Variants in CCDC102B observed in about 807,000 individuals in gnomAD.
CCDC102B encodes the protein coiled-coil domain-containing protein 102B.
CCDC102B carries 75 observed loss-of-function variants against 57.4 expected under a neutral mutation model. That is an observed-to-expected ratio of 1.31 (90% CI 1.08 to 1.58). The LOEUF is 1.58. Among genes scored for constraint, CCDC102B ranks in the 40% most tolerant of loss-of-function variants. The pLI, the probability that CCDC102B is intolerant of heterozygous loss-of-function variation, is 0.00. For missense variants in CCDC102B, 636 were observed against 582.6 expected (o/e 1.09, Z -0.94); for synonymous variants, 206 against 201.9 (o/e 1.02, Z -0.17).
Position 68,838,313 on chromosome 18 carries a change from A to G in CCDC102B, c.607-393A>G, listed in dbSNP as rs8099721. On this transcript the variant is annotated intron_variant, in intron 2 of 7. Transcript: ENST00000360242. ...TCCTGAAAATTCTATCTTGTCTTTC[A>G]AAAATGTTAAAAAATGATTGCTTTG... The G allele has an allele frequency of 4.0e-3, 2,970 of 741,816 alleles. 59 individuals are homozygous for G. In the African/African-American group the frequency reaches 0.049, roughly 12 times the overall value. The allele number at this position is 741,816 out of a possible 1,614,324, so 46.0% of individuals were successfully genotyped here. A position where few individuals can be genotyped will look rare whatever the true frequency, so the allele number is the denominator to read the frequency against.
intron 2 of CCDC102B, among the ~76,000 whole-genome samples, chr18:68,740,727 C>A (rs945899595): frequency 1.3e-5 from 2 of 152,208 alleles, no homozygotes; most frequent in African/African-American, 2.4e-5. Flanking sequence ...CTGCCTCAAG[C>A]CTTTTCATCC....
intron 6 of CCDC102B, among the ~76,000 whole-genome samples, chr18:68,923,235 C>T (rs1365138959): frequency 2.0e-5 from 3 of 151,460 alleles, no homozygotes; most frequent in Non-Finnish European, 4.4e-5. Flanking sequence ...TTATGTAACT[C>T]CCAAGAAAAT....
In CCDC102B at chr18:69,011,098, A is replaced by G. The variant is rs771086498; in HGVS notation, c.1428A>G (p.Glu476=). 1 of 1,613,234 alleles carries G rather than the reference A, an allele frequency of 6.2e-7. No individual in the cohort carries two copies. Among genetic ancestry groups the G allele is most frequent in the Non-Finnish European group, 8.5e-7 (1 of 1,179,598 alleles). ...TAAAGCAGGGACTCAATCAAAAAGA[A>G]GATGAGGTACTACTTTATGAGTGAA... The part of the protein sequence containing the change: ...EELKQGLNQK[E]DELDDSLNQI... The change falls in exon 7 of 8, where the codon GAA becomes GAG. Residue 476 remains glutamate, a synonymous_variant. Coordinates refer to ENST00000360242, the MANE Select transcript of CCDC102B (RefSeq NM_024781.3).
In CCDC102B at chr18:68,915,936, A is replaced by C. The variant is rs183334590; in HGVS notation, c.1263+18508A>C. Reference sequence around the variant, plus strand: ...AATGTTGCAATCCCTCTCCTTGTTTAGTTCATGTGGAATTGAAATATGTAA... The same window carrying C: ...AATGTTGCAATCCCTCTCCTTGTTTCGTTCATGTGGAATTGAAATATGTAA... On this transcript the variant is annotated intron_variant, in intron 6 of 7. Coordinates refer to ENST00000360242, the MANE Select transcript of CCDC102B (RefSeq NM_024781.3). Among the ~76,000 whole-genome samples the C allele has an allele frequency of 3.3e-4, 50 of 152,270 alleles. 1 individual carries two copies. In the East Asian group the frequency reaches 8.3e-3, roughly 25 times the overall value.
At chr18:68,811,204 G>A (rs1400039343) in intron 1 of CCDC102B, among the ~76,000 whole-genome samples, 1 of 152,148 alleles carries the variant, frequency 6.6e-6, no homozygotes, top group Non-Finnish European at 1.5e-5. Flanking sequence ...AATCCTTTGG[G>A]TATATACGCA....
At chr18:69,041,678 C>A (rs2052439032) in intron 7 of CCDC102B, among the ~76,000 whole-genome samples, 1 of 151,944 alleles carries the variant, frequency 6.6e-6, no homozygotes, top group Non-Finnish European at 1.5e-5. Flanking sequence ...TCTTTTGTAG[C>A]CTAGCTAGCA....
chr18:68,804,624 G>A (rs2035969545), intron 1 of CCDC102B, among the ~76,000 whole-genome samples: 1 of 152,046 alleles, frequency 6.6e-6, no homozygotes, highest in Admixed American at 6.6e-5. Context: ...AGGGAATGAT[G>A]AAATGGACAA....
intron 6 of CCDC102B, among the ~76,000 whole-genome samples, chr18:68,961,277 C>A: frequency 1.3e-5 from 2 of 151,634 alleles, no homozygotes; most frequent in East Asian, 1.9e-4. Flanking sequence ...TCAGAAGAAC[C>A]TGAAAATATG....
chr18:68,769,708 A>C (rs1342903308), intron 2 of CCDC102B, among the ~76,000 whole-genome samples: 1 of 152,194 alleles, frequency 6.6e-6, no homozygotes, highest in East Asian at 1.9e-4. Flanking sequence ...GTTACCAAAA[A>C]AAAAAGCAAG....
At chr18:69,046,208 C>T (rs1234220411) in intron 7 of CCDC102B, among the ~76,000 whole-genome samples, 4 of 152,272 alleles carry the variant, frequency 2.6e-5, no homozygotes, top group South Asian at 2.1e-4. Flanking sequence ...CTAATTTACA[C>T]TCCCACCCAA....
chr18:68,878,902 C>T (rs149445346), intron 5 of CCDC102B, among the ~76,000 whole-genome samples: 1,610 of 152,206 alleles, frequency 0.011, 35 homozygotes, highest in East Asian at 0.08. Flanking sequence ...CACGGACCCT[C>T]GTGGTGAGTG....
upstream of CCDC102B, among the ~76,000 whole-genome samples, chr18:68,797,145 C>T (rs534904663): frequency 3.1e-4 from 47 of 152,106 alleles, no homozygotes; most frequent in South Asian, 3.9e-3. Context: ...TGGCTTTATA[C>T]AGGAAGATGG....
At chr18:68,916,379 A>G (rs1438826028) in intron 6 of CCDC102B, among the ~76,000 whole-genome samples, 1 of 152,156 alleles carries the variant, frequency 6.6e-6, no homozygotes, top group Non-Finnish European at 1.5e-5. Flanking sequence ...CTCCATGATC[A>G]CTCAACCTTA....
intron 5 of CCDC102B, among the ~76,000 whole-genome samples, chr18:68,896,894 G>A (rs2040261815): frequency 6.6e-6 from 1 of 151,964 alleles, no homozygotes; most frequent in African/African-American, 2.4e-5. Flanking sequence ...CTTCTCCACT[G>A]AGAATGTTTA....
intron 6 of CCDC102B, among the ~76,000 whole-genome samples, chr18:68,967,671 G>T (rs2050200162): frequency 6.6e-6 from 1 of 151,984 alleles, no homozygotes; most frequent in African/African-American, 2.4e-5. Context: ...ATGATTTCTG[G>T]TTATGAAACG....
At chr18:68,807,976 A>G (rs2036092922) in intron 1 of CCDC102B, among the ~76,000 whole-genome samples, 1 of 152,132 alleles carries the variant, frequency 6.6e-6, no homozygotes, top group African/African-American at 2.4e-5. Flanking sequence ...TTTCACTAGG[A>G]TTTGAGCAAC....
chr18:68,872,677 CCTT>C (rs1568302981), intron 4 of CCDC102B, among the ~76,000 whole-genome samples: 1 of 151,806 alleles, frequency 6.6e-6, no homozygotes, highest in African/African-American at 2.4e-5. Flanking sequence ...TGTCCTTTCT[CCTT>C]CTCCATGTGG....
chr18:68,854,809 G>A (rs67059181), intron 4 of CCDC102B, among the ~76,000 whole-genome samples: 44,144 of 151,848 alleles, frequency 0.29, 6,800 homozygotes, highest in Non-Finnish European at 0.34. Flanking sequence ...TAGGACATGG[G>A]AAGGAAAGTT....
rs182043888 is a variant in CCDC102B at position 68,901,617 on chromosome 18, C to A, written c.1263+4189C>A. On this transcript the variant is annotated intron_variant, in intron 6 of 7. Coordinates refer to ENST00000360242, the MANE Select transcript of CCDC102B (RefSeq NM_024781.3). ...AAATAGTTGTCCTCCAAAGAAAAGT[C>A]TTTCCCCTCAACTGGAATTGCAATT... 7.2e-5 allele frequency among the ~76,000 whole-genome samples: 11 copies of A among 152,260 alleles called. No individual in the cohort carries two copies. In the East Asian group the frequency reaches 2.1e-3, roughly 29 times the overall value.
Sources: allele counts gnomAD v4.1 joint callset (sites outside exome capture counted in the v4.1 genomes callset), GRCh38; gene constraint gnomAD v4.1.1; transcripts MANE v1.5; gene names NCBI Gene and HGNC (gene_info 2026-07-23, HGNC 2026-07-21).